The following EXOC6B variants were observed in gnomAD, a reference collection of about 807,000 sequenced individuals.
EXOC6B encodes the protein SEC15 homolog B.
In EXOC6B, 54 loss-of-function variants were observed where a neutral mutation model predicts 113.5. The ratio of observed to expected loss-of-function variants is 0.48; its 90% confidence interval spans 0.38 to 0.60. The LOEUF (loss-of-function observed/expected upper bound fraction) is 0.60, where lower values mean the gene tolerates loss of function less well. Ranked by LOEUF, EXOC6B falls within the 20% of genes least tolerant of loss-of-function variation. EXOC6B has a pLI of 0.00. For synonymous variants in EXOC6B, 357 were observed against 339.0 expected, an observed-to-expected ratio of 1.05 and a Z score of -0.58; for missense variants, 797 against 977.5, an observed-to-expected ratio of 0.82 and a Z score of 2.46.
chr2:72,473,043 C>T (rs1462927651), intron 17 of EXOC6B, among the ~76,000 whole-genome samples: 2 of 152,044 alleles, frequency 1.3e-5, no homozygotes, highest in African/African-American at 2.4e-5. Context: ...TGGGAATATA[C>T]TTGATGTGAT....
intron 18 of EXOC6B, among the ~76,000 whole-genome samples, chr2:72,396,816 C>A (rs553293958): frequency 6.6e-6 from 1 of 152,036 alleles, no homozygotes; most frequent in Non-Finnish European, 1.5e-5. Flanking sequence ...TTATTGAAGA[C>A]AAATAGTCCC....
intron 20 of EXOC6B, among the ~76,000 whole-genome samples, chr2:72,278,878 C>G (rs542310745): frequency 1.3e-5 from 2 of 152,214 alleles, no homozygotes; most frequent in East Asian, 3.9e-4. Flanking sequence ...ATTTTGAATA[C>G]TGAGGCAATT....
chr2:72,333,595 A>G (rs1688526120), intron 20 of EXOC6B, among the ~76,000 whole-genome samples: 1 of 152,140 alleles, frequency 6.6e-6, no homozygotes, highest in African/African-American at 2.4e-5. Flanking sequence ...TGAATGTCTC[A>G]GTTGAGTTGC....
chr2:72,204,381 G>A (rs530505354), intron 20 of EXOC6B, among the ~76,000 whole-genome samples: 1 of 152,174 alleles, frequency 6.6e-6, no homozygotes, highest in African/African-American at 2.4e-5. Flanking sequence ...TTCTGTTGCT[G>A]TTTCTTCACA....
At chr2:72,815,053 A>G (rs1686146424) in intron 1 of EXOC6B, among the ~76,000 whole-genome samples, 1 of 152,228 alleles carries the variant, frequency 6.6e-6, no homozygotes, top group South Asian at 2.1e-4. Context: ...TAAAATAATA[A>G]AGAGGCAGGT....
chr2:72,182,775 T>C (rs1678173896), intron 21 of EXOC6B: 1 of 664,714 alleles, frequency 1.5e-6, no homozygotes. Context: ...TAGATTAGTA[T>C]GTCAGGGCGG....
At chr2:72,250,238 A>G (rs1210567498) in intron 20 of EXOC6B, among the ~76,000 whole-genome samples, 3 of 152,238 alleles carry the variant, frequency 2.0e-5, no homozygotes, top group Non-Finnish European at 4.4e-5. Context: ...GATCAAAGTC[A>G]TAATGTATTG....
intron 11 of EXOC6B, among the ~76,000 whole-genome samples, chr2:72,505,021 A>G (rs1700525065): frequency 6.6e-6 from 1 of 152,092 alleles, no homozygotes; most frequent in Non-Finnish European, 1.5e-5. Flanking sequence ...TTATATACAA[A>G]TACCATTTTT....
intron 2 of EXOC6B, 134 bp downstream of exon 2, chr2:72,741,170 A>T: frequency 2.4e-6 from 2 of 827,402 alleles, no homozygotes; most frequent in Middle Eastern, 5.5e-4. Flanking sequence ...TGTACGTTTC[A>T]GTATAAATTC....
chr2:72,808,279 A>G (rs898155011), intron 1 of EXOC6B, among the ~76,000 whole-genome samples: 1 of 152,240 alleles, frequency 6.6e-6, no homozygotes, highest in Non-Finnish European at 1.5e-5. Flanking sequence ...GTCTGATATG[A>G]TACTAATGTT....
chr2:72,385,733 T>C (rs1358821774), intron 18 of EXOC6B, among the ~76,000 whole-genome samples: 4 of 152,192 alleles, frequency 2.6e-5, no homozygotes, highest in African/African-American at 9.6e-5. Flanking sequence ...AGAAGACACA[T>C]GAATAGCCAA....
At chr2:72,196,973 A>C (rs553937180) in intron 20 of EXOC6B, among the ~76,000 whole-genome samples, 1 of 152,300 alleles carries the variant, frequency 6.6e-6, no homozygotes, top group Non-Finnish European at 1.5e-5. Flanking sequence ...AATCAGGCCC[A>C]AAATATTTTA....
At chr2:72,187,683 G>C (rs183954093) in intron 20 of EXOC6B, among the ~76,000 whole-genome samples, 1 of 152,204 alleles carries the variant, frequency 6.6e-6, no homozygotes, top group East Asian at 1.9e-4. Flanking sequence ...TGAGCCCAGG[G>C]CTTTTATGGG....
intron 17 of EXOC6B, among the ~76,000 whole-genome samples, chr2:72,471,627 T>C (rs1220302494): frequency 6.6e-6 from 1 of 152,174 alleles, no homozygotes; most frequent in Admixed American, 6.6e-5. Flanking sequence ...TTTTTCTAAA[T>C]GAAAGATCGT....
intron 20 of EXOC6B, among the ~76,000 whole-genome samples, chr2:72,329,775 C>T (rs999502984): frequency 1.3e-5 from 2 of 152,014 alleles, no homozygotes; most frequent in Non-Finnish European, 1.5e-5. Context: ...ACCAAAGGTA[C>T]GGGTTTTACC....
At chr2:72,354,525 C>G (rs997078173) in intron 19 of EXOC6B, among the ~76,000 whole-genome samples, 12 of 152,166 alleles carry the variant, frequency 7.9e-5, no homozygotes, top group African/African-American at 2.9e-4. Context: ...CCCCACTGTT[C>G]AGGTTGGCAG....
intron 20 of EXOC6B, among the ~76,000 whole-genome samples, chr2:72,257,701 G>C (rs944557188): frequency 2.0e-5 from 3 of 152,134 alleles, no homozygotes; most frequent in African/African-American, 7.2e-5. Flanking sequence ...ATGAAACACT[G>C]ATGCCTTCCT....
intron 18 of EXOC6B, among the ~76,000 whole-genome samples, chr2:72,404,692 C>A (rs1693602506): frequency 6.6e-6 from 1 of 152,166 alleles, no homozygotes. Flanking sequence ...GACATCCACA[C>A]CAAAACCCCA....
intron 1 of EXOC6B, among the ~76,000 whole-genome samples, chr2:72,782,046 A>T (rs573407622): frequency 6.6e-6 from 1 of 151,458 alleles, no homozygotes; most frequent in South Asian, 2.1e-4. Context: ...AAGCTGAGGT[A>T]GGAGAATCAC....
Sources: gnomAD v4.1 joint callset for allele counts (sites outside exome capture counted in the v4.1 genomes callset) on GRCh38, gnomAD v4.1.1 for gene constraint, MANE v1.5 for transcripts, NCBI Gene and HGNC (gene_info 2026-07-23, HGNC 2026-07-21) for gene names.